The following CAPS2 variants were observed in gnomAD, a reference collection of about 807,000 sequenced individuals.
The protein encoded by CAPS2 is calcyphosine 2.
Under a neutral mutation model 86.5 loss-of-function variants are expected in CAPS2, and 98 were observed. The ratio of observed to expected loss-of-function variants is 1.13; its 90% CI spans 0.96 to 1.34. The LOEUF is 1.34. Among genes scored for constraint, CAPS2 ranks in the 40% most tolerant of loss-of-function variants. The probability of loss-of-function intolerance (pLI) is 0.00; values close to 1 mark genes in which losing one functional copy is unlikely to be tolerated. For missense variants in CAPS2, 729 were observed against 686.8 expected (o/e 1.06, Z -0.69); for synonymous variants, 210 against 225.1 (o/e 0.93, Z 0.60).
chr12:75,335,276 C>T (rs1437649699), intron 1 of CAPS2, among the ~76,000 whole-genome samples: 1 of 151,998 alleles, frequency 6.6e-6, no homozygotes, highest in African/African-American at 2.4e-5. Flanking sequence ...AGAAATAGCC[C>T]AGGAATGGAG....
At chr12:75,286,935 A>G (rs892265094) in intron 14 of CAPS2, among the ~76,000 whole-genome samples, 2 of 151,834 alleles carry the variant, frequency 1.3e-5, no homozygotes, top group Non-Finnish European at 2.9e-5. Flanking sequence ...AATCATAACA[A>G]TTTAGCAAAT....
At chr12:75,327,773 C>T (rs1009264459), upstream of CAPS2, among the ~76,000 whole-genome samples, 9 of 149,958 alleles carry the variant, frequency 6.0e-5, no homozygotes, top group East Asian at 5.8e-4. Flanking sequence ...ATTCAATAAA[C>T]GGTAGCCATC....
chr12:75,330,729 AATG>A (rs760921072), upstream of CAPS2, among the ~76,000 whole-genome samples: 39 of 152,020 alleles, frequency 2.6e-4, no homozygotes, highest in Non-Finnish European at 4.9e-4. Context: ...TAAAATTTAA[AATG>A]ATGTGTGGAA....
At chr12:75,352,984 G>A (rs1025441327) in intron 1 of CAPS2, among the ~76,000 whole-genome samples, 6 of 152,104 alleles carry the variant, frequency 3.9e-5, no homozygotes, top group Admixed American at 2.0e-4. Flanking sequence ...TCTCTGGGAC[G>A]CAGCTAAAGC....
intron 1 of CAPS2, among the ~76,000 whole-genome samples, chr12:75,337,565 T>G (rs1270407495): frequency 6.6e-6 from 1 of 151,958 alleles, no homozygotes; most frequent in Non-Finnish European, 1.5e-5. Flanking sequence ...ATGTTGTTTA[T>G]TGAATGATTA....
chr12:75,373,826 T>G (rs1293355075), intron 1 of CAPS2: 1 of 152,356 alleles, frequency 6.6e-6, no homozygotes, highest in Admixed American at 6.5e-5. Flanking sequence ...CTTCCTCATG[T>G]AACTTGTGCC....
intron 13 of CAPS2, among the ~76,000 whole-genome samples, chr12:75,290,428 T>C (rs1035581771): frequency 6.6e-6 from 1 of 152,164 alleles, no homozygotes; most frequent in African/African-American, 2.4e-5. Flanking sequence ...TTATTAGATA[T>C]AATACATGAG....
intron 15 of CAPS2, 26 bp downstream of exon 15, chr12:75,284,934 AT>A (rs1489648671): frequency 8.3e-6 from 13 of 1,567,216 alleles, no homozygotes; most frequent in Non-Finnish European, 8.7e-6. Flanking sequence ...AAAAATAACA[AT>A]TTGAAAGATT....
intron 7 of CAPS2, among the ~76,000 whole-genome samples, chr12:75,310,837 C>T (rs2039076998): frequency 6.6e-6 from 1 of 152,062 alleles, no homozygotes; most frequent in Admixed American, 6.6e-5. Context: ...CCAGGCTAGC[C>T]AAGCAGTGTT....
At chr12:75,321,664 G>C (rs2040315983) in intron 4 of CAPS2, 88 bp from the exon 5 acceptor site, 1 of 904,368 alleles carries the variant, frequency 1.1e-6, no homozygotes, top group African/African-American at 1.7e-5. Context: ...TCTTACCTTA[G>C]CATCCATTCC....
chr12:75,390,441 C>A, intron 1 of CAPS2: 1 of 443,100 alleles, frequency 2.3e-6, no homozygotes, highest in Admixed American at 2.6e-5. Context: ...TCCCTACTCT[C>A]CCTTCACTCC....
exon 17 of CAPS2, chr12:75,277,209 CCTT>C: frequency 1.2e-6 from 1 of 839,128 alleles, no homozygotes; most frequent in Non-Finnish European, 1.3e-6. Context: ...AAGTAGCTTC[CCTT>C]TTTTTTTTTT....
rs1565971125 is a variant in CAPS2, at chr12:75,347,819, A to G, written c.-394-24597T>C. 1.2e-5 allele frequency: 7 copies of G among 602,154 alleles called. No individual in the cohort carries two copies. The East Asian group carries it at 1.9e-4, about 16-fold the overall frequency. 37.3% of individuals were successfully genotyped at this position (602,154 alleles called of 1,614,324 possible). ...TATACTAGACACAAGTGTATTTTTG[A>G]TAAGTAATGACTCCCTCTACAATGC... On this transcript the variant is annotated intron_variant, in intron 1 of 5. Coordinates refer to the CAPS2 transcript ENST00000551829.
chr12:75,321,342 G>A, intron 5 of CAPS2, 58 bp downstream of exon 5: 1 of 1,071,254 alleles, frequency 9.3e-7, no homozygotes, highest in East Asian at 2.6e-5. Flanking sequence ...AGAGATTTCT[G>A]TAATATGTGC....
intron 11 of CAPS2, among the ~76,000 whole-genome samples, chr12:75,295,547 T>G (rs1050935768): frequency 3.3e-5 from 5 of 152,232 alleles, no homozygotes; most frequent in African/African-American, 1.2e-4. Flanking sequence ...AAGAGTGGTT[T>G]AGGCCCTTGT....
chr12:75,290,694 T>A (rs1259371017), intron 13 of CAPS2, among the ~76,000 whole-genome samples: 3 of 151,884 alleles, frequency 2.0e-5, no homozygotes, highest in Non-Finnish European at 4.4e-5. Flanking sequence ...GGTGGGAGGA[T>A]CACTTGAGCC....
At chr12:75,287,619 T>C (rs1049815002) in intron 14 of CAPS2, among the ~76,000 whole-genome samples, 2 of 152,152 alleles carry the variant, frequency 1.3e-5, no homozygotes, top group Non-Finnish European at 1.5e-5. Context: ...TAGCTAAGCT[T>C]GTGGAGGTTC....
intron 15 of CAPS2, 32 bp from the exon 16 acceptor site, chr12:75,282,379 G>T (rs1565758715): frequency 2.9e-6 from 4 of 1,388,350 alleles, no homozygotes; most frequent in Non-Finnish European, 4.1e-6. Context: ...TTATTAGTTT[G>T]TTGGTTGGTT....
chr12:75,307,056 A>G (rs2038589076), intron 7 of CAPS2, among the ~76,000 whole-genome samples: 1 of 152,142 alleles, frequency 6.6e-6, no homozygotes, highest in South Asian at 2.1e-4. Context: ...CTGAGGACTG[A>G]ACACATTGTA....
Sources: allele counts gnomAD v4.1 joint callset (sites outside exome capture counted in the v4.1 genomes callset), GRCh38; gene constraint gnomAD v4.1.1; transcripts MANE v1.5; gene names NCBI Gene and HGNC (gene_info 2026-07-23, HGNC 2026-07-21).